Variants in COL11A1 observed in about 807,000 individuals in gnomAD.
COL11A1 encodes the protein collagen type XI alpha 1 chain, also known as collagen alpha-1(XI) chain.
A neutral mutation model predicts 265.2 loss-of-function variants in COL11A1; 74 were observed. That is an observed-to-expected ratio of 0.28 (90% CI 0.23 to 0.34). The LOEUF is 0.34. Ranked by LOEUF, COL11A1 falls within the 10% of genes least tolerant of loss-of-function variation. COL11A1 has a pLI of 1.00. For synonymous variants in COL11A1, 816 were observed against 727.6 expected, an observed-to-expected ratio of 1.12 and a Z score of -1.96; for missense variants, 2,165 against 2,263.6, an observed-to-expected ratio of 0.96 and a Z score of 0.88.
intron 57 of COL11A1, among the ~76,000 whole-genome samples, chr1:102,894,613 A>G (rs976929280): frequency 6.6e-6 from 1 of 152,144 alleles, no homozygotes; most frequent in African/African-American, 2.4e-5. Context: ...AATTCAACCA[A>G]TACAAAATTC....
At chr1:103,107,537 AC>A (rs34517641) in intron 1 of COL11A1, among the ~76,000 whole-genome samples, 1 of 129,870 alleles carries the variant, frequency 7.7e-6, no homozygotes. Flanking sequence ...TTCTAGATTC[AC>A]CCCCCTGGTT....
At chr1:103,002,879 T>G in intron 21 of COL11A1, 88 bp from the exon 22 acceptor site, 1 of 1,204,580 alleles carries the variant, frequency 8.3e-7, no homozygotes, top group South Asian at 1.2e-5. Context: ...ATCATGATAT[T>G]CACTACCCTA....
chr1:102,974,625 ATACT>A lies in COL11A1; in HGVS notation c.2808+201_2808+204del, dbSNP rs748568289. On this transcript the variant is annotated intron_variant, in intron 36 of 66. Transcript: ENST00000370096. Reference sequence around the variant, plus strand: ...CTAGTCTTCGGTATACTGTCAAAAAATACTTAATAAGAGATGTTGAAATTATATT... The same window carrying A: ...CTAGTCTTCGGTATACTGTCAAAAAATAATAAGAGATGTTGAAATTATATT... Among the ~76,000 whole-genome samples, 4 of 152,334 alleles carry A rather than the reference ATACT, an allele frequency of 2.6e-5. No individual in the cohort carries two copies. The East Asian group carries it at 5.8e-4, about 22-fold the overall frequency.
chr1:102,982,645 C>T (rs1041386661), intron 31 of COL11A1, among the ~76,000 whole-genome samples: 8 of 151,998 alleles, frequency 5.3e-5, no homozygotes, highest in African/African-American at 1.2e-4. Flanking sequence ...TCACAGATGC[C>T]GTAAATCTTA....
chr1:102,891,936 T>G (rs1651831482), intron 57 of COL11A1, among the ~76,000 whole-genome samples: 1 of 152,062 alleles, frequency 6.6e-6, no homozygotes, highest in African/African-American at 2.4e-5. Flanking sequence ...ACAAGCCAAA[T>G]TGTTGTACTA....
intron 4 of COL11A1, among the ~76,000 whole-genome samples, chr1:103,044,027 C>T (rs1669044931): frequency 1.3e-5 from 2 of 152,020 alleles, no homozygotes; most frequent in South Asian, 4.1e-4. Context: ...TTTTTGATTG[C>T]ATATACAAGG....
At chr1:103,102,155 A>G (rs1264865310) in intron 1 of COL11A1, among the ~76,000 whole-genome samples, 1 of 152,092 alleles carries the variant, frequency 6.6e-6, no homozygotes, top group Non-Finnish European at 1.5e-5. Context: ...ACCTATATCA[A>G]TAAAACCATA....
At chr1:103,079,636 T>C (rs913820867) in intron 2 of COL11A1, among the ~76,000 whole-genome samples, 1 of 151,978 alleles carries the variant, frequency 6.6e-6, no homozygotes, top group Non-Finnish European at 1.5e-5. Context: ...CAATGTATAT[T>C]AAGTTGCGGG....
At chr1:103,067,767 C>T (rs1357297334) in intron 4 of COL11A1, among the ~76,000 whole-genome samples, 2 of 151,284 alleles carry the variant, frequency 1.3e-5, no homozygotes, top group African/African-American at 4.8e-5. Flanking sequence ...AAGTAGTTTT[C>T]AGTAGAAATT....
chr1:102,900,003 C>A (rs1366330902), intron 54 of COL11A1, among the ~76,000 whole-genome samples: 3 of 152,020 alleles, frequency 2.0e-5, no homozygotes, highest in African/African-American at 7.3e-5. Context: ...GACTTCATCA[C>A]AATGTAATAT....
At position 102,898,110 on chromosome 1, in the gene COL11A1, A is replaced by G. The variant is rs1367178924; in HGVS notation, c.4302+15T>C. ...AAATTCTCACTTTTTAAATGACTGA[A>G]AAGATCTTACTCACCATAGGACCAG... On this transcript the variant is annotated intron_variant, in intron 57 of 66. Coordinates refer to ENST00000370096, the MANE Select transcript of COL11A1 (RefSeq NM_001854.4). 4 of 1,544,184 alleles carry G rather than the reference A, an allele frequency of 2.6e-6. No homozygotes were observed. Among genetic ancestry groups the G allele is most frequent in the African/African-American group, 1.4e-5 (1 of 72,724 alleles).
intron 20 of COL11A1, 127 bp from the exon 21 acceptor site, chr1:103,003,395 A>T: frequency 1.0e-6 from 1 of 988,754 alleles, no homozygotes; most frequent in Non-Finnish European, 1.5e-6. Flanking sequence ...TTATTAACAC[A>T]CTGAAAGTGA....
intron 46 of COL11A1, among the ~76,000 whole-genome samples, chr1:102,932,868 T>G (rs1214536756): frequency 6.6e-6 from 1 of 151,884 alleles, no homozygotes; most frequent in Non-Finnish European, 1.5e-5. Flanking sequence ...ATACCCTTTC[T>G]TCCAGTTGAT....
At chr1:102,921,682 G>C (rs1656005341) in intron 47 of COL11A1, 111 bp from the exon 48 acceptor site, 1 of 892,348 alleles carries the variant, frequency 1.1e-6, no homozygotes, top group Non-Finnish European at 1.8e-6. Flanking sequence ...AAAAACTATA[G>C]TTAGTGAAGC....
intron 34 of COL11A1, 39 bp from the exon 35 acceptor site, chr1:102,978,791 C>A (rs775192614): frequency 2.7e-5 from 43 of 1,614,094 alleles, no homozygotes; most frequent in Middle Eastern, 3.3e-4. Context: ...AGTTTGAATT[C>A]TTTCTCATAG....
intron 23 of COL11A1, 78 bp downstream of exon 23, chr1:103,002,350 T>A: frequency 8.3e-7 from 1 of 1,211,156 alleles, no homozygotes; most frequent in Non-Finnish European, 1.2e-6. Context: ...TAGAAAATTG[T>A]GAGACTGTCG....
intron 54 of COL11A1, among the ~76,000 whole-genome samples, chr1:102,911,479 C>T (rs1654672560): frequency 6.6e-6 from 1 of 151,936 alleles, no homozygotes; most frequent in South Asian, 2.1e-4. Flanking sequence ...ACTCATGTGC[C>T]GGTTTGAAAA....
chr1:103,003,352 G>A (rs1235045089), intron 20 of COL11A1, 84 bp from the exon 21 acceptor site: 3 of 1,337,228 alleles, frequency 2.2e-6, no homozygotes, highest in Non-Finnish European at 3.1e-6. Context: ...AAATCCTAAG[G>A]TTATTTTTAG....
At chr1:102,959,595 T>C (rs1660698195) in intron 41 of COL11A1, among the ~76,000 whole-genome samples, 1 of 152,210 alleles carries the variant, frequency 6.6e-6, no homozygotes, top group Non-Finnish European at 1.5e-5. Flanking sequence ...GTGTATTTCT[T>C]TTCAAAATTG....
Sources: gnomAD v4.1 joint callset for allele counts (sites outside exome capture counted in the v4.1 genomes callset) on GRCh38, gnomAD v4.1.1 for gene constraint, MANE v1.5 for transcripts, NCBI Gene and HGNC (gene_info 2026-07-23, HGNC 2026-07-21) for gene names.